Variants in CADPS observed in about 807,000 individuals in gnomAD.
CADPS encodes calcium-dependent secretion activator 1.
Under a neutral mutation model 167.3 loss-of-function variants are expected in CADPS, and 57 were observed. The observed-to-expected ratio is 0.34, with a 90% CI of 0.28 to 0.42. The LOEUF is 0.42. Among genes scored for constraint, CADPS ranks in the 20% least tolerant of loss-of-function variants. CADPS has a pLI of 1.00. For synonymous variants in CADPS, 676 were observed against 635.3 expected, an observed-to-expected ratio of 1.06 and a Z score of -0.96; for missense variants, 1,414 against 1,738.1, an observed-to-expected ratio of 0.81 and a Z score of 3.32.
chr3:62,723,149 A>G (rs1160576010), intron 3 of CADPS, among the ~76,000 whole-genome samples: 1 of 152,220 alleles, frequency 6.6e-6, no homozygotes, highest in Non-Finnish European at 1.5e-5. Context: ...TATGGGAATA[A>G]CTTCTTGTAG....
chr3:62,498,963 T>C (rs1346364532), intron 18 of CADPS, among the ~76,000 whole-genome samples, 199 bp downstream of exon 18: 2 of 152,202 alleles, frequency 1.3e-5, no homozygotes, highest in Non-Finnish European at 2.9e-5. Flanking sequence ...GGCCGAAACA[T>C]ACAACATGCA....
At chr3:62,735,949 T>C (rs889115045) in intron 3 of CADPS, among the ~76,000 whole-genome samples, 1 of 152,206 alleles carries the variant, frequency 6.6e-6, no homozygotes, top group Non-Finnish European at 1.5e-5. Context: ...GTTTATACTA[T>C]ATCCAGCTAT....
intron 17 of CADPS, among the ~76,000 whole-genome samples, chr3:62,512,080 T>C (rs1024331539): frequency 2.0e-5 from 3 of 152,190 alleles, no homozygotes; most frequent in Admixed American, 6.6e-5. Flanking sequence ...GATTAACTGA[T>C]AGTTATTTTT....
At chr3:62,767,351 T>C (rs1387164610) in intron 1 of CADPS, among the ~76,000 whole-genome samples, 2 of 152,098 alleles carry the variant, frequency 1.3e-5, no homozygotes, top group African/African-American at 2.4e-5. Flanking sequence ...CAGGGCTGGG[T>C]TTAAATAAAT....
intron 3 of CADPS, among the ~76,000 whole-genome samples, chr3:62,738,545 G>A (rs1042760170): frequency 1.3e-5 from 2 of 152,052 alleles, no homozygotes; most frequent in Admixed American, 6.6e-5. Flanking sequence ...CCAACATGGT[G>A]AAACCCCGTC....
chr3:62,787,411 A>C (rs977340103), intron 1 of CADPS, among the ~76,000 whole-genome samples: 2 of 152,242 alleles, frequency 1.3e-5, no homozygotes, highest in East Asian at 1.9e-4. Context: ...ATTTTTGATT[A>C]AAATATTATT....
At position 62,595,758 on chromosome 3, in the gene CADPS, G is replaced by T. The variant is rs140181807; in HGVS notation, c.1326-3010C>A. ...CAAAGTACTAATCCTGGGTGTGTTTGTGTGGGTGTTGCCAAAAGAGATTAA... is the reference window on the plus strand; with the variant it reads ...CAAAGTACTAATCCTGGGTGTGTTTTTGTGGGTGTTGCCAAAAGAGATTAA... On this transcript the variant is annotated intron_variant, in intron 6 of 29. Transcript: ENST00000383710. Among the ~76,000 whole-genome samples, 501 of 152,312 alleles carry T rather than the reference G, an allele frequency of 3.3e-3. 2 individuals carry two copies. The highest frequency in any genetic ancestry group is 0.011 in the African/African-American group (474 of 41,572).
chr3:62,614,489 A>G (rs761309037), intron 6 of CADPS, among the ~76,000 whole-genome samples: 3 of 152,192 alleles, frequency 2.0e-5, no homozygotes, highest in Non-Finnish European at 4.4e-5. Context: ...AAGGCATCAC[A>G]CCTGGGCAAG....
intron 11 of CADPS, among the ~76,000 whole-genome samples, chr3:62,543,373 C>T (rs2076004631): frequency 6.6e-6 from 1 of 152,106 alleles, no homozygotes; most frequent in African/African-American, 2.4e-5. Flanking sequence ...GATAGCAATG[C>T]GTTGTTGTGC....
At chr3:62,497,418 G>A (rs762728867) in intron 18 of CADPS, among the ~76,000 whole-genome samples, 1 of 152,178 alleles carries the variant, frequency 6.6e-6, no homozygotes, top group Non-Finnish European at 1.5e-5. Context: ...GGGCAGGCTG[G>A]AGCCCCTCCA....
chr3:62,664,962 G>T (rs938020266), intron 3 of CADPS, among the ~76,000 whole-genome samples: 36 of 152,192 alleles, frequency 2.4e-4, no homozygotes, highest in African/African-American at 8.4e-4. Flanking sequence ...AATTTTTATG[G>T]AATATCTTGA....
chr3:62,770,314 C>T (rs1272508971), intron 1 of CADPS, among the ~76,000 whole-genome samples: 1 of 152,228 alleles, frequency 6.6e-6, no homozygotes, highest in African/African-American at 2.4e-5. Flanking sequence ...ATTTCCTGCA[C>T]AGTCATTATC....
At position 62,691,581 on chromosome 3, in the gene CADPS, A is replaced by C. The variant is rs17066931; in HGVS notation, c.889-29187T>G. Among the ~76,000 whole-genome samples, 464 of 152,184 alleles carry C rather than the reference A, an allele frequency of 3.0e-3. 3 individuals are homozygous for C. Among genetic ancestry groups the C allele is most frequent in the African/African-American group, 0.011 (443 of 41,506 alleles). The stretch of plus-strand genomic sequence containing the variant: ...GGTTCCTGAGTTAAAATAGTGAATA[A>C]AGAGATAGTAGGCAGCCATAAAAAG... On this transcript the variant is annotated intron_variant, in intron 3 of 29. Transcript: ENST00000383710.
chr3:62,808,984 G>T (rs2094257587), intron 1 of CADPS, among the ~76,000 whole-genome samples: 1 of 152,108 alleles, frequency 6.6e-6, no homozygotes, highest in Admixed American at 6.5e-5. Context: ...ACCAAAAATT[G>T]TAGACATTAT....
At chr3:62,643,156 T>C (rs1314149095) in intron 6 of CADPS, among the ~76,000 whole-genome samples, 1 of 152,192 alleles carries the variant, frequency 6.6e-6, no homozygotes, top group Non-Finnish European at 1.5e-5. Flanking sequence ...ACGAGTGTTG[T>C]ATATTTCAAG....
intron 1 of CADPS, among the ~76,000 whole-genome samples, chr3:62,787,016 G>A (rs764374808): frequency 7.9e-5 from 12 of 152,046 alleles, no homozygotes; most frequent in East Asian, 1.9e-4. Context: ...ACCTCAAGCC[G>A]GGCATAGTGG....
chr3:62,546,050 G>A (rs2076399535), intron 11 of CADPS, among the ~76,000 whole-genome samples: 1 of 151,936 alleles, frequency 6.6e-6, no homozygotes, highest in Admixed American at 6.6e-5. Flanking sequence ...TTAATGAGAT[G>A]TGTGCAGAGT....
chr3:62,726,193 A>T (rs1366392096), intron 3 of CADPS, among the ~76,000 whole-genome samples: 1 of 151,852 alleles, frequency 6.6e-6, no homozygotes, highest in Non-Finnish European at 1.5e-5. Flanking sequence ...GCCTCTGGGC[A>T]GTCACTGTCT....
intron 3 of CADPS, among the ~76,000 whole-genome samples, chr3:62,722,413 T>C (rs1170176110): frequency 2.0e-5 from 3 of 152,202 alleles, no homozygotes; most frequent in Admixed American, 1.3e-4. Context: ...CTCAAGTGGC[T>C]TCATAAACAA....
Sources: allele counts gnomAD v4.1 joint callset (sites outside exome capture counted in the v4.1 genomes callset), GRCh38; gene constraint gnomAD v4.1.1; transcripts MANE v1.5; gene names NCBI Gene and HGNC (gene_info 2026-07-23, HGNC 2026-07-21).